CUBN: variants seen among roughly 807,000 people sequenced by gnomAD.
CUBN encodes 460 kDa receptor.
In CUBN, 282 loss-of-function variants were observed where a neutral mutation model predicts 405.3. The observed-to-expected ratio is 0.70, with a 90% CI of 0.63 to 0.77. CUBN has a LOEUF of 0.77. CUBN is among the 30% of genes least tolerant of loss of function. CUBN has a pLI of 0.00. For synonymous variants in CUBN, 1,684 were observed against 1,617.0 expected (o/e 1.04, Z -0.99); for missense variants, 4,514 against 4,475.2 (o/e 1.01, Z -0.25).
At chr10:16,979,979 CTT>C (rs892292801) in intron 31 of CUBN, among the ~76,000 whole-genome samples, 48 of 152,138 alleles carry the variant, frequency 3.2e-4, no homozygotes, top group Non-Finnish European at 6.0e-4. Flanking sequence ...CTACAAGAAA[CTT>C]AAACAAATTT....
intron 31 of CUBN, among the ~76,000 whole-genome samples, chr10:16,965,409 G>A (rs1843361265): frequency 6.6e-6 from 1 of 152,140 alleles, no homozygotes. Flanking sequence ...TGACGTGGAC[G>A]TGATGCAGAG....
chr10:17,045,250 T>A (rs1262463918), intron 24 of CUBN, 62 bp from the exon 25 acceptor site: 1 of 1,520,774 alleles, frequency 6.6e-7, no homozygotes, highest in East Asian at 2.3e-5. Flanking sequence ...TGAATCTTTT[T>A]GTCTGCATTA....
intron 59 of CUBN, among the ~76,000 whole-genome samples, chr10:16,861,974 GC>G (rs1840026730): frequency 6.6e-6 from 1 of 151,960 alleles, no homozygotes; most frequent in Admixed American, 6.6e-5. Context: ...CATGGTGAAA[GC>G]CCGTCTCCAC....
intron 4 of CUBN, among the ~76,000 whole-genome samples, chr10:17,124,308 C>T (rs1251971127): frequency 2.0e-5 from 3 of 152,234 alleles, no homozygotes; most frequent in Non-Finnish European, 2.9e-5. Context: ...TCTACATCTA[C>T]ATAACCTGGG....
chr10:16,925,756 T>G lies in CUBN; in HGVS notation c.6290A>C (p.His2097Pro). Residue 2097 changes from histidine (H) to proline (P), a missense_variant, in exon 42 of 67, where the codon CAT becomes CCT. By Grantham distance (77) the His-to-Pro change is moderately conservative. Around this residue, in one of 5 missense-constraint regions of CUBN, gnomAD observed 1,613 missense variants for 1,542.8 expected, o/e 1.05. Transcript: ENST00000377833. Reference sequence around the variant, plus strand: ...GGACGTGATGATCCCTCTGTCTGCATGCAAATATCCACCGCAGCCTTCCCA... The same window carrying G: ...GGACGTGATGATCCCTCTGTCTGCAGGCAAATATCCACCGCAGCCTTCCCA... ...SFHKSCGGYL[H>P]ADRGIITSPK... 1 of 1,613,980 alleles carries G rather than the reference T, an allele frequency of 6.2e-7. No homozygotes were observed. Among genetic ancestry groups the G allele is most frequent in the Non-Finnish European group, 8.5e-7 (1 of 1,179,914 alleles).
rs1209599223 is a variant in CUBN, at chr10:17,090,237, GA to G, written c.1766-1893del. Among the ~76,000 whole-genome samples the G allele has an allele frequency of 2.6e-5, 4 of 151,898 alleles. No individual in the cohort carries two copies. In the East Asian group the frequency reaches 7.7e-4, roughly 29 times the overall value. On this transcript the variant is annotated intron_variant, in intron 14 of 66. Coordinates refer to ENST00000377833, the MANE Select transcript of CUBN (RefSeq NM_001081.4). ...GAGTAATCTCCAGGATATATGATGTGAAAAAAAGCCAACTATAGACCAGTGT... is the reference window on the plus strand; with the variant it reads ...GAGTAATCTCCAGGATATATGATGTGAAAAAAGCCAACTATAGACCAGTGT...
chr10:16,869,566 G>GT, intron 59 of CUBN, 70 bp downstream of exon 59: 1 of 990,782 alleles, frequency 1.0e-6, no homozygotes, highest in Non-Finnish European at 1.6e-6. Context: ...GTGGGGGGGG[G>GT]GCGGGGAAAT....
chr10:16,855,093 C>A (rs1839834805), intron 59 of CUBN, among the ~76,000 whole-genome samples: 1 of 133,432 alleles, frequency 7.5e-6, no homozygotes, highest in Admixed American at 7.6e-5. Flanking sequence ...CCCTCCCTCC[C>A]TCCTTCCCTT....
At chr10:16,958,236 C>A (rs1355289017) in intron 31 of CUBN, among the ~76,000 whole-genome samples, 3 of 152,142 alleles carry the variant, frequency 2.0e-5, no homozygotes, top group Non-Finnish European at 4.4e-5. Flanking sequence ...CCCCTGAGGT[C>A]CTGGAATTAC....
intron 31 of CUBN, among the ~76,000 whole-genome samples, chr10:16,976,745 T>C (rs1833110781): frequency 6.6e-6 from 1 of 152,158 alleles, no homozygotes; most frequent in Non-Finnish European, 1.5e-5. Context: ...TTTTCATCCT[T>C]TTTTTATCCA....
intron 36 of CUBN, among the ~76,000 whole-genome samples, chr10:16,944,257 C>T (rs1360720355): frequency 6.6e-6 from 1 of 152,162 alleles, no homozygotes; most frequent in Non-Finnish European, 1.5e-5. Context: ...AAAATGATCT[C>T]CCTTTCTTCC....
intron 19 of CUBN, 90 bp from the exon 20 acceptor site, chr10:17,068,860 A>T (rs1835673534): frequency 3.8e-6 from 4 of 1,060,034 alleles, no homozygotes; most frequent in South Asian, 1.3e-5. Flanking sequence ...TTTTTAATGG[A>T]GTACAAATCA....
intron 54 of CUBN, among the ~76,000 whole-genome samples, chr10:16,895,354 CACACAT>C (rs1841152428): frequency 7.2e-6 from 1 of 137,994 alleles, no homozygotes; most frequent in African/African-American, 3.2e-5. Context: ...CACACACACA[CACACAT>C]ATATATACAC....
At chr10:16,990,020 G>T (rs1241408619) in intron 29 of CUBN, among the ~76,000 whole-genome samples, 1 of 152,254 alleles carries the variant, frequency 6.6e-6, no homozygotes, top group Non-Finnish European at 1.5e-5. Context: ...AGCGGATGGA[G>T]CCCAAGTTGC....
chr10:16,882,621 G>A (rs146373998), intron 56 of CUBN, among the ~76,000 whole-genome samples: 11 of 152,302 alleles, frequency 7.2e-5, no homozygotes, highest in East Asian at 3.9e-4. Flanking sequence ...GGGGGAGGGC[G>A]TGGGCCGAGA....
chr10:17,093,687 A>C (rs560160798), intron 14 of CUBN, among the ~76,000 whole-genome samples: 129 of 152,142 alleles, frequency 8.5e-4, no homozygotes, highest in African/African-American at 2.7e-3. Context: ...TAAAAAAAAA[A>C]CCAAAACCCA....
rs1247061713 is a variant in CUBN, at chr10:16,995,133, G to A, written c.4169-4618C>T. On this transcript the variant is annotated intron_variant, in intron 28 of 66. Coordinates refer to ENST00000377833, the MANE Select transcript of CUBN (RefSeq NM_001081.4). ...AAATACCAACCAAGAAAGGAACAGT[G>A]ACATGAGGAATAAAGAGTTTTGAGA... Among the ~76,000 whole-genome samples, 3 of 152,306 alleles carry A rather than the reference G, an allele frequency of 2.0e-5. No individual in the cohort carries two copies. The East Asian group carries it at 5.8e-4, about 29-fold the overall frequency.
intron 43 of CUBN, 107 bp from the exon 44 acceptor site, chr10:16,920,244 C>A (rs1208491956): frequency 8.8e-7 from 1 of 1,134,718 alleles, no homozygotes; most frequent in Non-Finnish European, 1.3e-6. Context: ...GTCTCCATTT[C>A]CTTTCATCTG....
intron 31 of CUBN, among the ~76,000 whole-genome samples, chr10:16,961,192 C>A (rs901006510): frequency 2.6e-5 from 4 of 152,136 alleles, no homozygotes; most frequent in Non-Finnish European, 4.4e-5. Flanking sequence ...CCACCTCAGC[C>A]TCCCAAATAG....
Sources: allele counts gnomAD v4.1 joint callset (sites outside exome capture counted in the v4.1 genomes callset), GRCh38; gene constraint gnomAD v4.1.1; regional missense constraint gnomAD v4.1.1; transcripts MANE v1.5; gene names NCBI Gene and HGNC (gene_info 2026-07-23, HGNC 2026-07-21).